Variants in PTPRD observed in about 807,000 individuals in gnomAD.
The protein encoded by PTPRD is receptor-type tyrosine-protein phosphatase delta.
PTPRD carries 34 observed loss-of-function variants against 214.5 expected under a neutral mutation model. That is an observed-to-expected ratio of 0.16 (90% CI 0.12 to 0.21). The LOEUF (loss-of-function observed/expected upper bound fraction) is 0.21, where lower values mean the gene tolerates loss of function less well. Among genes scored for constraint, PTPRD ranks in the 10% least tolerant of loss-of-function variants. PTPRD has a pLI of 1.00. For missense variants in PTPRD, 2,545 were observed against 2,398.7 expected (o/e 1.06, Z -1.27); for synonymous variants, 1,128 against 845.7 (o/e 1.33, Z -5.79).
At chr9:9,548,875 G>C (rs2079498952) in intron 8 of PTPRD, among the ~76,000 whole-genome samples, 1 of 152,002 alleles carries the variant, frequency 6.6e-6, no homozygotes, top group Non-Finnish European at 1.5e-5. Flanking sequence ...AGCAAAGATT[G>C]ACAATACGAA....
chr9:10,372,291 C>T (rs2097642348), intron 2 of PTPRD, among the ~76,000 whole-genome samples: 1 of 152,028 alleles, frequency 6.6e-6, no homozygotes, highest in African/African-American at 2.4e-5. Context: ...TCAATGCCCT[C>T]TGTTTTGTTG....
chr9:9,765,898 G>A (rs917237669), intron 6 of PTPRD, among the ~76,000 whole-genome samples: 1 of 152,038 alleles, frequency 6.6e-6, no homozygotes, highest in Non-Finnish European at 1.5e-5. Context: ...TCCTGACCTC[G>A]TGATCCGCCC....
At chr9:10,000,268 T>A (rs1272346824) in intron 4 of PTPRD, among the ~76,000 whole-genome samples, 1 of 152,190 alleles carries the variant, frequency 6.6e-6, no homozygotes, top group Non-Finnish European at 1.5e-5. Flanking sequence ...AGAGTCAAAT[T>A]ACACTGTTAG....
At chr9:9,948,811 A>T (rs553312915) in intron 4 of PTPRD, among the ~76,000 whole-genome samples, 81 of 152,244 alleles carry the variant, frequency 5.3e-4, no homozygotes, top group African/African-American at 1.9e-3. Context: ...AACAGTAGGT[A>T]TAAGGGCAAA....
chr9:10,179,306 G>T (rs1051624506), intron 3 of PTPRD, among the ~76,000 whole-genome samples: 1 of 151,900 alleles, frequency 6.6e-6, no homozygotes, highest in South Asian at 2.1e-4. Context: ...AAAAGTTATA[G>T]AAAGCACAAA....
At chr9:8,688,373 T>C (rs141111164) in intron 12 of PTPRD, among the ~76,000 whole-genome samples, 3,214 of 152,098 alleles carry the variant, frequency 0.021, 69 homozygotes, top group South Asian at 0.063. Flanking sequence ...GAGACTATCC[T>C]AGCTAACATG....
intron 7 of PTPRD, among the ~76,000 whole-genome samples, chr9:9,601,664 G>A (rs1289541667): frequency 2.0e-5 from 3 of 151,960 alleles, no homozygotes; most frequent in Non-Finnish European, 2.9e-5. Context: ...TCATAAATAT[G>A]ATCCTTGATT....
At chr9:8,955,869 C>A (rs1450239826) in intron 11 of PTPRD, among the ~76,000 whole-genome samples, 1 of 151,852 alleles carries the variant, frequency 6.6e-6, no homozygotes, top group Non-Finnish European at 1.5e-5. Context: ...TGCGTTCGAC[C>A]TACATATAGC....
At chr9:9,915,019 G>A (rs377619224) in intron 5 of PTPRD, among the ~76,000 whole-genome samples, 3 of 152,238 alleles carry the variant, frequency 2.0e-5, no homozygotes, top group South Asian at 2.1e-4. Context: ...ATATGCCCCT[G>A]ACCTGAAAAA....
At chr9:8,534,392 C>T (rs1209327837) in intron 14 of PTPRD, among the ~76,000 whole-genome samples, 1 of 151,828 alleles carries the variant, frequency 6.6e-6, no homozygotes, top group Non-Finnish European at 1.5e-5. Flanking sequence ...GTGAACCACT[C>T]AGTTTTTTTG....
At chr9:9,936,456 C>CA (rs926168039) in intron 5 of PTPRD, among the ~76,000 whole-genome samples, 1 of 150,850 alleles carries the variant, frequency 6.6e-6, no homozygotes, top group African/African-American at 2.4e-5. Context: ...TTTATGCAGC[C>CA]AAAAAACACA....
chr9:10,022,496 G>A (rs1449010184), intron 4 of PTPRD, among the ~76,000 whole-genome samples: 1 of 152,054 alleles, frequency 6.6e-6, no homozygotes, highest in East Asian at 1.9e-4. Flanking sequence ...ATTAGTATTA[G>A]GTTGATGCAA....
At chr9:8,549,784 G>A (rs183870672) in intron 14 of PTPRD, among the ~76,000 whole-genome samples, 75 of 152,196 alleles carry the variant, frequency 4.9e-4, no homozygotes, top group Middle Eastern at 3.4e-3. Flanking sequence ...AATTCTAATG[G>A]TAGCTTAGGA....
intron 11 of PTPRD, among the ~76,000 whole-genome samples, chr9:8,906,760 G>T (rs118181344): frequency 6.6e-6 from 1 of 151,900 alleles, no homozygotes; most frequent in Non-Finnish European, 1.5e-5. Context: ...AGCTCTCTTA[G>T]CCTAAATTGT....
intron 9 of PTPRD, among the ~76,000 whole-genome samples, chr9:9,199,727 GGTAAA>G (rs747154999): frequency 3.3e-5 from 5 of 151,784 alleles, no homozygotes; most frequent in East Asian, 1.9e-4. Flanking sequence ...CCTAAATAAA[GGTAAA>G]GTAAATTCAA....
chr9:8,512,531 G>C (rs2097702462), intron 21 of PTPRD, among the ~76,000 whole-genome samples: 3 of 152,008 alleles, frequency 2.0e-5, no homozygotes, highest in Non-Finnish European at 4.4e-5. Flanking sequence ...TAAACTTCTG[G>C]AAACCTAACA....
At chr9:10,235,709 G>A (rs1013161898) in intron 3 of PTPRD, among the ~76,000 whole-genome samples, 14 of 151,934 alleles carry the variant, frequency 9.2e-5, no homozygotes, top group East Asian at 7.8e-4. Context: ...TTATCCATTC[G>A]TGATCTCACT....
At chr9:8,830,051 C>G (rs1414531756) in intron 11 of PTPRD, among the ~76,000 whole-genome samples, 1 of 152,096 alleles carries the variant, frequency 6.6e-6, no homozygotes, top group Non-Finnish European at 1.5e-5. Flanking sequence ...TGAGTCTTTA[C>G]TGTGTTGGAA....
chr9:9,154,260 G>T (rs1312447500), intron 10 of PTPRD, among the ~76,000 whole-genome samples: 1 of 152,174 alleles, frequency 6.6e-6, no homozygotes, highest in African/African-American at 2.4e-5. Flanking sequence ...TTCTGTGGTT[G>T]TTTGTTACCG....
Sources: gnomAD v4.1 joint callset for allele counts (sites outside exome capture counted in the v4.1 genomes callset) on GRCh38, gnomAD v4.1.1 for gene constraint, MANE v1.5 for transcripts, NCBI Gene and HGNC (gene_info 2026-07-23, HGNC 2026-07-21) for gene names.